ZNF485: variants seen among roughly 807,000 people sequenced by gnomAD.
ZNF485 encodes Zinc finger protein 93 (Zinc finger protein HTF34).
ZNF485 carries 9 observed loss-of-function variants against 10.8 expected under a neutral mutation model. That is an observed-to-expected ratio of 0.83 (90% CI 0.50 to 1.45). The LOEUF is 1.45. Ranked by LOEUF, ZNF485 falls within the 40% of genes most tolerant of loss-of-function variation. The probability of loss-of-function intolerance (pLI) is 0.00; values close to 1 mark genes in which losing one functional copy is unlikely to be tolerated. For missense variants in ZNF485, 487 were observed against 528.0 expected (o/e 0.92, Z 0.76); for synonymous variants, 187 against 181.0 (o/e 1.03, Z -0.27).
chr10:43,609,216 T>C (rs1268343564), intron 3 of ZNF485, 39 bp from the exon 4 acceptor site: 1 of 1,516,072 alleles, frequency 6.6e-7, no homozygotes, highest in East Asian at 2.3e-5. Context: ...TCATTCATTT[T>C]TTTTTTCTTC....
chr10:43,609,569 C>G (rs1838728329), intron 4 of ZNF485, among the ~76,000 whole-genome samples: 1 of 152,236 alleles, frequency 6.6e-6, no homozygotes, highest in Non-Finnish European at 1.5e-5. Context: ...CCATCTGTGC[C>G]ATCTCCCAGC....
At position 43,617,101 on chromosome 10, in the gene ZNF485, C is replaced by G. The variant is rs370918739; in HGVS notation, c.1058C>G (p.Pro353Arg). 43 of 1,614,138 alleles carry G rather than the reference C, an allele frequency of 2.7e-5. No homozygotes were observed. The highest frequency in any genetic ancestry group is 3.6e-5 in the Non-Finnish European group (43 of 1,180,032). Residue 353 changes from proline to arginine, a missense_variant, in exon 5 of 5, where the codon CCG becomes CGG. Pro to Arg is a moderately radical substitution (Grantham distance 103). Coordinates refer to ENST00000361807, the MANE Select transcript of ZNF485 (RefSeq NM_145312.4). The stretch of plus-strand genomic sequence containing the variant: ...CAGAAAACTCACAGTGGAAATAAAC[C>G]GTATCAGTGTCGTGACTGTGGGAAG... Reference protein sequence around the residue: ...GHQKTHSGNKPYQCRDCGKAF... With the variant: ...GHQKTHSGNKRYQCRDCGKAF...
At chr10:43,612,079 G>GT (rs1838778970) in intron 4 of ZNF485, among the ~76,000 whole-genome samples, 1 of 152,098 alleles carries the variant, frequency 6.6e-6, no homozygotes, top group South Asian at 2.1e-4. Flanking sequence ...TCATTCACAT[G>GT]TTTTGTTAAG....
rs56333360 is a variant in ZNF485 at position 43,606,460 on chromosome 10, C to A, written c.-141C>A. On this transcript the variant is annotated 5_prime_UTR_variant, in exon 1 of 5. Transcript: ENST00000361807. The stretch of plus-strand genomic sequence containing the variant: ...CGCGTGGTGCGAGCGCTGCACCAGC[C>A]CCTGGCTGGTGGTTACTGTCCGAAC... 9.8e-6 allele frequency: 4 copies of A among 409,816 alleles called. No homozygotes were observed. The highest frequency in any genetic ancestry group is 1.8e-5 in the Non-Finnish European group (4 of 219,102). The allele number at this position is 409,816 out of a possible 1,614,324, so 25.4% of individuals were successfully genotyped here.
chr10:43,611,407 G>A (rs968964289), intron 4 of ZNF485, among the ~76,000 whole-genome samples: 12 of 151,954 alleles, frequency 7.9e-5, no homozygotes, highest in Admixed American at 7.9e-4. Flanking sequence ...CCACTTTATG[G>A]ATGTCCTATA....
rs753408931 is a variant in ZNF485, at chr10:43,616,642, C to T, written c.599C>T (p.Thr200Met). 1.5e-5 allele frequency: 25 copies of T among 1,614,154 alleles called. 1 individual carries two copies. Among genetic ancestry groups the T allele is most frequent in the South Asian group, 1.1e-4 (10 of 91,078 alleles). The change falls in exon 5 of 5, where the codon ACG becomes ATG. Residue 200 changes from threonine (T) to methionine (M), a missense_variant. Coordinates refer to ENST00000361807, the MANE Select transcript of ZNF485 (RefSeq NM_145312.4). The part of the protein sequence containing the change: ...ECGKFLKKHS[T>M]FINHQRIHSR... ...GGGAAGTTCCTGAAGAAGCACTCAA[C>T]GTTTATCAACCATCAGAGAATTCAT... is the stretch of plus-strand genomic sequence containing the variant.
At position 43,617,123 on chromosome 10, in the gene ZNF485, G is replaced by T; in HGVS notation, c.1080G>T (p.Gly360=). The change falls in exon 5 of 5, where the codon GGG becomes GGT. Residue 360 remains glycine (G), a synonymous_variant. Coordinates refer to ENST00000361807, the MANE Select transcript of ZNF485 (RefSeq NM_145312.4). ...GNKPYQCRDC[G]KAFTKSSTLT... is the part of the protein sequence containing the mutation. ...AACCGTATCAGTGTCGTGACTGTGG[G>T]AAGGCCTTTACAAAGAGCTCAACCC... The T allele has an allele frequency of 6.2e-7, 1 of 1,614,158 alleles. No individual in the cohort carries two copies. The highest frequency in any genetic ancestry group is 8.5e-7 in the Non-Finnish European group (1 of 1,180,024).
chr10:43,613,118 A>G (rs1354643879), intron 4 of ZNF485, among the ~76,000 whole-genome samples: 1 of 152,250 alleles, frequency 6.6e-6, no homozygotes, highest in Non-Finnish European at 1.5e-5. Flanking sequence ...TAAAAAAATT[A>G]ACACATATAT....
intron 4 of ZNF485, among the ~76,000 whole-genome samples, chr10:43,612,448 G>C (rs1838784916): frequency 6.6e-6 from 1 of 152,060 alleles, no homozygotes; most frequent in South Asian, 2.1e-4. Flanking sequence ...GTTCCCTAAA[G>C]GTTTGGGTCC....
Position 43,606,525 on chromosome 10 carries a change from G to A in ZNF485, c.-76G>A. ...GCTGACTCTCTGGGCGTGCAGCTCC[G>A]CAGCCCTGCCGGCTCGGTTCGGTTC... On this transcript the variant is annotated 5_prime_UTR_variant, in exon 1 of 5. Transcript: ENST00000361807. The A allele has an allele frequency of 3.1e-6, 1 of 323,676 alleles. No homozygotes were observed. The highest frequency in any genetic ancestry group is 5.8e-6 in the Non-Finnish European group (1 of 172,562). 20.1% of individuals were successfully genotyped at this position (323,676 alleles called of 1,614,324 possible).
rs548409159 is a variant in ZNF485, at chr10:43,617,364, A to G, written c.1321A>G (p.Ser441Gly). The part of the protein sequence containing the change: ...IHNKERAMKC[S>G] ...TAATAAAGAAAGAGCCATGAAATGT[A>G]GTTAGTGTGGCAAATTGTGCAGAGT... is the stretch of plus-strand genomic sequence containing the variant. The change falls in exon 5 of 5, where the codon AGT becomes GGT. Residue 441 changes from serine to glycine, a missense_variant. Transcript: ENST00000361807. 8 of 1,543,716 alleles carry G rather than the reference A, an allele frequency of 5.2e-6. No homozygotes were observed. The East Asian group carries it at 1.6e-4, about 30-fold the overall frequency.
At chr10:43,614,596 G>T (rs965142584) in intron 4 of ZNF485, among the ~76,000 whole-genome samples, 8 of 152,062 alleles carry the variant, frequency 5.3e-5, no homozygotes, top group African/African-American at 1.7e-4. Flanking sequence ...GCCCAGCCCA[G>T]TTCTTCCATT....
chr10:43,612,704 G>A (rs1838787932), intron 4 of ZNF485, among the ~76,000 whole-genome samples: 1 of 152,052 alleles, frequency 6.6e-6, no homozygotes, highest in African/African-American at 2.4e-5. Flanking sequence ...ACTTTTCCCT[G>A]ATTTCTTACT....
chr10:43,610,132 G>A (rs1838741847), intron 4 of ZNF485, among the ~76,000 whole-genome samples: 1 of 152,102 alleles, frequency 6.6e-6, no homozygotes, highest in African/African-American at 2.4e-5. Flanking sequence ...ACACATTGTT[G>A]GGGAAGCATT....
chr10:43,609,296 C>G lies in ZNF485; in HGVS notation c.193C>G (p.Gln65Glu). The change falls in exon 4 of 5, where the codon CAA (glutamine) becomes GAA (glutamate). Residue 65 changes from glutamine (Q) to glutamate (E), a missense_variant. Coordinates refer to ENST00000361807, the MANE Select transcript of ZNF485 (RefSeq NM_145312.4). ...ACCAAAACTAATTACTCAGTTGGAG[C>G]AAGGGGCAGAGCCCTGGACTGAGGT... ...SKPKLITQLE[Q>E]GAEPWTEVRE... 1 of 1,613,980 alleles carries G rather than the reference C, an allele frequency of 6.2e-7. No homozygotes were observed. Among genetic ancestry groups the G allele is most frequent in the Non-Finnish European group, 8.5e-7 (1 of 1,179,952 alleles).
chr10:43,608,610 G>T lies in ZNF485; in HGVS notation c.25-4G>T. 4 of 1,611,488 alleles carry T rather than the reference G, an allele frequency of 2.5e-6. No individual in the cohort carries two copies. The highest frequency in any genetic ancestry group is 3.4e-6 in the Non-Finnish European group (4 of 1,178,558). The stretch of plus-strand genomic sequence containing the variant: ...GATGAGCAGAATTGGGTTTGGTTTT[G>T]CAGGGACCGCTGACATTTGGGGATG... On this transcript the variant is annotated splice_polypyrimidine_tract_variant and splice_region_variant and intron_variant, in intron 2 of 4. Coordinates refer to ENST00000361807, the MANE Select transcript of ZNF485 (RefSeq NM_145312.4).
At chr10:43,613,200 T>G (rs1838798718) in intron 4 of ZNF485, among the ~76,000 whole-genome samples, 1 of 152,332 alleles carries the variant, frequency 6.6e-6, no homozygotes, top group Non-Finnish European at 1.5e-5. Context: ...AACCAAAACT[T>G]AGGTTAAAAA....
At position 43,607,230 on chromosome 10, in the gene ZNF485, G is replaced by C. The variant is rs918647968; in HGVS notation, c.24+156G>C. 1.4e-5 allele frequency: 11 copies of C among 810,156 alleles called. No individual in the cohort carries two copies. In the African/African-American group the frequency reaches 1.4e-4, roughly 10 times the overall value. The allele number at this position is 810,156 out of a possible 1,614,324, so 50.2% of individuals were successfully genotyped here. The stretch of plus-strand genomic sequence containing the variant: ...GATTTCCGTCCTGTCTACCCATTAC[G>C]TAGTCATTCACCAAGTAGATTATTG... On this transcript the variant is annotated intron_variant, in intron 2 of 4. Transcript: ENST00000361807.
chr10:43,613,855 C>A (rs1838808107), intron 4 of ZNF485, among the ~76,000 whole-genome samples: 2 of 152,106 alleles, frequency 1.3e-5, no homozygotes, highest in Non-Finnish European at 2.9e-5. Flanking sequence ...GTTAGTCATT[C>A]TGGTGGATGT....
Sources: gnomAD v4.1 joint callset for allele counts (sites outside exome capture counted in the v4.1 genomes callset) on GRCh38, gnomAD v4.1.1 for gene constraint, MANE v1.5 for transcripts, NCBI Gene and HGNC (gene_info 2026-07-23, HGNC 2026-07-21) for gene names.